Variants in CDH8 observed in about 807,000 individuals in gnomAD.
The protein encoded by CDH8 is cadherin 8, also known as cadherin-8.
A neutral mutation model predicts 68.1 loss-of-function variants in CDH8; 17 were observed. The observed-to-expected ratio is 0.25, with a 90% confidence interval of 0.17 to 0.37. The LOEUF is 0.37. CDH8 is among the 10% of genes least tolerant of loss of function. CDH8 has a pLI of 1.00. For synonymous variants in CDH8, 372 were observed against 365.1 expected (o/e 1.02, Z -0.21); for missense variants, 763 against 999.3 (o/e 0.76, Z 3.19).
rs1963225054 is a variant in CDH8 at position 61,647,277 on chromosome 16, G to GTTATGTA, written c.*6330_*6331insTACATAA. The GTTATGTA allele has an allele frequency of 6.6e-6, 1 of 151,640 alleles. No individual in the cohort carries two copies. Among genetic ancestry groups the GTTATGTA allele is most frequent in the South Asian group, 2.1e-4 (1 of 4,824 alleles). The allele number at this position is 151,640 out of a possible 1,614,324, so 9.4% of individuals were successfully genotyped here. On this transcript the variant is annotated 3_prime_UTR_variant, in exon 12 of 12. Coordinates refer to ENST00000577390, the MANE Select transcript of CDH8 (RefSeq NM_001796.5). ...TAAAGCTCTTTCTTAAAGTTTATTT[G>GTTATGTA]CAATATCATTATGTATAAATAATTA... is the stretch of plus-strand genomic sequence containing the variant.
At position 61,701,030 on chromosome 16, in the gene CDH8, G is replaced by A. The variant is rs114164970; in HGVS notation, c.1654+12811C>T. Among the ~76,000 whole-genome samples the A allele has an allele frequency of 5.0e-3, 758 of 152,246 alleles. 4 individuals are homozygous for A. The highest frequency in any genetic ancestry group is 0.017 in the African/African-American group (691 of 41,544). On this transcript the variant is annotated intron_variant, in intron 10 of 11. Coordinates refer to ENST00000577390, the MANE Select transcript of CDH8 (RefSeq NM_001796.5). ...ACAAATATGTACAGTTAATATGACA[G>A]TTTAAAATACTAATAAAAGAATAAA... is the stretch of plus-strand genomic sequence containing the variant.
chr16:61,905,280 T>C (rs145331599), intron 2 of CDH8, among the ~76,000 whole-genome samples: 3 of 152,290 alleles, frequency 2.0e-5, no homozygotes, highest in African/African-American at 4.8e-5. Flanking sequence ...AACCCCATGC[T>C]CTTCTCTGTC....
chr16:61,858,338 C>T (rs1201114329), intron 3 of CDH8, among the ~76,000 whole-genome samples: 1 of 152,026 alleles, frequency 6.6e-6, no homozygotes, highest in Non-Finnish European at 1.5e-5. Flanking sequence ...AGAACATAAA[C>T]ATAAGAAAAG....
intron 2 of CDH8, among the ~76,000 whole-genome samples, chr16:61,920,925 T>TA (rs1248862091): frequency 8.4e-6 from 1 of 119,508 alleles, no homozygotes; most frequent in Non-Finnish European, 1.8e-5. Flanking sequence ...TATGCAGCCA[T>TA]AAAAAATGAT....
intron 8 of CDH8, among the ~76,000 whole-genome samples, chr16:61,755,375 C>A (rs995057077): frequency 1.3e-5 from 2 of 151,976 alleles, no homozygotes; most frequent in Non-Finnish European, 2.9e-5. Context: ...TTTAATGTAT[C>A]CACATCTTTA....
chr16:62,017,831 T>C (rs1901977679), intron 2 of CDH8, among the ~76,000 whole-genome samples: 1 of 152,046 alleles, frequency 6.6e-6, no homozygotes, highest in African/African-American at 2.4e-5. Flanking sequence ...GCTGGGGCAC[T>C]TCACTTCCCA....
intron 9 of CDH8, among the ~76,000 whole-genome samples, chr16:61,720,011 A>T (rs1596897702): frequency 1.3e-5 from 2 of 151,014 alleles, no homozygotes; most frequent in East Asian, 3.9e-4. Flanking sequence ...ACACACACAC[A>T]CACACACACA....
rs750345022 is a variant in CDH8 at position 61,879,788 on chromosome 16, G to A, written c.547+21391C>T. ...GTGATAGGCCCCGAAAAACAACAAGGAACAATATAAGCACAAGTTTCACCT... is the reference window on the plus strand; with the variant it reads ...GTGATAGGCCCCGAAAAACAACAAGAAACAATATAAGCACAAGTTTCACCT... On this transcript the variant is annotated intron_variant, in intron 3 of 11. Transcript: ENST00000577390. Among the ~76,000 whole-genome samples, 23 of 152,098 alleles carry A rather than the reference G, an allele frequency of 1.5e-4. 1 individual carries two copies. Among genetic ancestry groups the A allele is most frequent in the South Asian group, 8.3e-4 (4 of 4,830 alleles).
At chr16:61,663,309 T>C (rs1001576488) in intron 10 of CDH8, among the ~76,000 whole-genome samples, 16 of 152,058 alleles carry the variant, frequency 1.1e-4, no homozygotes, top group Admixed American at 9.2e-4. Context: ...TATTTAGTTT[T>C]ATTCTTAGTT....
chr16:61,682,888 G>A (rs780132957), intron 10 of CDH8, among the ~76,000 whole-genome samples: 3 of 151,844 alleles, frequency 2.0e-5, no homozygotes. Context: ...TACACAAAAC[G>A]ATTCCATCTA....
chr16:61,679,020 G>A (rs992875556), intron 10 of CDH8, among the ~76,000 whole-genome samples: 1 of 152,074 alleles, frequency 6.6e-6, no homozygotes, highest in East Asian at 1.9e-4. Context: ...TAAGGAAACA[G>A]TTGGACTGTA....
At position 61,961,436 on chromosome 16, in the gene CDH8, C is replaced by G. The variant is rs150267325; in HGVS notation, c.252+59716G>C. On this transcript the variant is annotated intron_variant, in intron 2 of 11. Transcript: ENST00000577390. ...GTCCATGGCTGATGAGTTCTACCTG[C>G]TTCTCTCTTTCCTTGTCCTCTCTCT... 1.2e-4 allele frequency among the ~76,000 whole-genome samples: 19 copies of G among 152,214 alleles called. No homozygotes were observed. In the East Asian group the frequency reaches 3.7e-3, roughly 29 times the overall value.
intron 4 of CDH8, among the ~76,000 whole-genome samples, chr16:61,850,054 T>C (rs1027732962): frequency 6.6e-6 from 1 of 152,092 alleles, no homozygotes; most frequent in Non-Finnish European, 1.5e-5. Flanking sequence ...ATACTATCCA[T>C]TTTGTGTTGC....
At chr16:61,659,291 G>A (rs774000239) in intron 10 of CDH8, among the ~76,000 whole-genome samples, 4 of 152,126 alleles carry the variant, frequency 2.6e-5, no homozygotes, top group Non-Finnish European at 5.9e-5. Flanking sequence ...TGGTAAGAAT[G>A]GTAAGACTCT....
At position 61,765,563 on chromosome 16, in the gene CDH8, T is replaced by C. The variant is rs547948117; in HGVS notation, c.1414+23783A>G. ...GCATCACATAGTTATAGATATACAA[T>C]TGTATTCAAAAATGCTCTTAGATTA... is the stretch of plus-strand genomic sequence containing the variant. On this transcript the variant is annotated intron_variant, in intron 8 of 11. Coordinates refer to ENST00000577390, the MANE Select transcript of CDH8 (RefSeq NM_001796.5). Among the ~76,000 whole-genome samples, 4 of 152,154 alleles carry C rather than the reference T, an allele frequency of 2.6e-5. 1 individual carries two copies. The South Asian group carries it at 6.2e-4, about 24-fold the overall frequency.
chr16:61,932,799 C>T (rs1162202), intron 2 of CDH8, among the ~76,000 whole-genome samples: 43,398 of 152,020 alleles, frequency 0.29, 7,771 homozygotes, highest in East Asian at 0.48. Context: ...AGATCTCAAC[C>T]TTTAGCCTAG....
At chr16:61,944,511 T>G (rs1964771367) in intron 2 of CDH8, among the ~76,000 whole-genome samples, 1 of 152,234 alleles carries the variant, frequency 6.6e-6, no homozygotes, top group Admixed American at 6.5e-5. Context: ...TTTCAAATTA[T>G]TTAAGCTTTC....
intron 2 of CDH8, among the ~76,000 whole-genome samples, chr16:61,919,309 G>A (rs1243102748): frequency 6.7e-6 from 1 of 148,504 alleles, no homozygotes; most frequent in Non-Finnish European, 1.5e-5. Flanking sequence ...AACAAAGCTG[G>A]ACGGAGAATG....
intron 10 of CDH8, among the ~76,000 whole-genome samples, chr16:61,712,697 T>A (rs1310509549): frequency 6.6e-6 from 1 of 151,462 alleles, no homozygotes; most frequent in East Asian, 1.9e-4. Context: ...ACAGAAAGGG[T>A]TTTGTCTCCT....
Sources: allele counts gnomAD v4.1 joint callset (sites outside exome capture counted in the v4.1 genomes callset), GRCh38; gene constraint gnomAD v4.1.1; transcripts MANE v1.5; gene names NCBI Gene and HGNC (gene_info 2026-07-23, HGNC 2026-07-21).